The following IL32 variants were observed in gnomAD, a reference collection of about 807,000 sequenced individuals.
The protein encoded by IL32 is interleukin 32, also known as interleukin-32.
A neutral mutation model predicts 16.6 loss-of-function variants in IL32; 30 were observed. The ratio of observed to expected loss-of-function variants is 1.81; its 90% CI spans 1.35 to 2.45. IL32 has a LOEUF of 2.45. Among genes scored for constraint, IL32 ranks in the 30% most tolerant of loss-of-function variants. IL32 has a pLI of 0.00. For synonymous variants in IL32, 70 were observed against 86.1 expected, an observed-to-expected ratio of 0.81 and a Z score of 1.03; for missense variants, 234 against 229.8, an observed-to-expected ratio of 1.02 and a Z score of -0.12.
At chr16:3,065,948 CAGG>C in intron 2 of IL32, 122 bp downstream of exon 2, 2 of 1,188,760 alleles carry the variant, frequency 1.7e-6, no homozygotes, top group South Asian at 1.2e-5. Context: ...CACCCAGCGG[CAGG>C]AGGATAGTGA....
At position 3,068,013 on chromosome 16, in the gene IL32, G is replaced by C. The variant is rs1385987022; in HGVS notation, c.141+3G>C. ...TGTCGAGCCTGGCAGAGCTGGAGGT[G>C]AGCCGTGGCCTCCCCCTCCACCAAG... On this transcript the variant is annotated splice_donor_region_variant and intron_variant, in intron 5 of 6. Coordinates refer to ENST00000525643, the MANE Select transcript of IL32 (RefSeq NM_001376923.1). 1 of 1,614,062 alleles carries C rather than the reference G, an allele frequency of 6.2e-7. No homozygotes were observed. Among genetic ancestry groups the C allele is most frequent in the East Asian group, 2.2e-5 (1 of 44,842 alleles).
intron 6 of IL32, chr16:3,068,706 C>G (rs987557109): frequency 6.1e-6 from 3 of 492,156 alleles, no homozygotes; most frequent in Non-Finnish European, 1.1e-5. Flanking sequence ...TGGGACCTGC[C>G]CATGGCCTCA....
chr16:3,066,957 C>T (rs2179013), intron 2 of IL32, among the ~76,000 whole-genome samples: 3,441 of 107,712 alleles, frequency 0.032, 115 homozygotes, highest in South Asian at 0.062. Context: ...CCTAGGCCCA[C>T]GCAGGCCCTG....
chr16:3,068,444 T>A, intron 6 of IL32: 1 of 577,434 alleles, frequency 1.7e-6, no homozygotes, highest in Non-Finnish European at 3.1e-6. Flanking sequence ...TAGTTGGGAC[T>A]ACAGGCACCC....
At chr16:3,066,817 G>T (rs1473077396) in intron 2 of IL32, among the ~76,000 whole-genome samples, 1 of 152,048 alleles carries the variant, frequency 6.6e-6, no homozygotes, top group East Asian at 1.9e-4. Flanking sequence ...CATAGTGGTT[G>T]TGGGAAACCC....
rs1213191150 is a variant in IL32, at chr16:3,067,382, C to G, written c.21C>G (p.Leu7=). 6.5e-7 allele frequency: 1 copy of G among 1,549,376 alleles called. No homozygotes were observed. The highest frequency in any genetic ancestry group is 8.7e-7 in the Non-Finnish European group (1 of 1,147,978). MCFPKV[L]SDDMKKLKAR... ...TGTCACCGTTATTTCCGCAGGTCCT[C>G]TCTGATGACATGAAGAAGCTGAAGG... is the stretch of plus-strand genomic sequence containing the variant. Residue 7 remains leucine (L), a synonymous_variant, in exon 3 of 7, where the codon CTC becomes CTG. Coordinates refer to ENST00000525643, the MANE Select transcript of IL32 (RefSeq NM_001376923.1).
chr16:3,068,355 G>C lies in IL32; in HGVS notation c.201+116G>C. The C allele has an allele frequency of 4.2e-6, 4 of 952,006 alleles. No individual in the cohort carries two copies. The South Asian group carries it at 5.9e-5, about 14-fold the overall frequency. The allele number at this position is 952,006 out of a possible 1,614,324, so 59.0% of individuals were successfully genotyped here. On this transcript the variant is annotated intron_variant, in intron 6 of 6. Coordinates refer to ENST00000525643, the MANE Select transcript of IL32 (RefSeq NM_001376923.1). ...GAGTCTCGCTCTGTCGCCCAGGCTG[G>C]AGTGCAGTGGCATGATCTTGGCTCA...
At chr16:3,068,082 C>T (rs577592655) in intron 5 of IL32, 72 bp downstream of exon 5, 41 of 1,605,560 alleles carry the variant, frequency 2.6e-5, no homozygotes, top group East Asian at 2.5e-4. Context: ...TGGGTCTGGG[C>T]CCCGGGTCCC....
chr16:3,067,303 GTGTGTGTATAA>G, intron 2 of IL32, 63 bp from the exon 3 acceptor site: 1 of 726,282 alleles, frequency 1.4e-6, no homozygotes, highest in South Asian at 1.7e-5. Flanking sequence ...GTGTGTGTGT[GTGTGTGTATAA>G]ATTATCCTGG....
At chr16:3,065,937 G>A in intron 2 of IL32, 111 bp downstream of exon 2, 2 of 1,264,738 alleles carry the variant, frequency 1.6e-6, no homozygotes, top group Non-Finnish European at 2.3e-6. Flanking sequence ...TCAGTCAGGG[G>A]CACCCAGCGG....
intron 2 of IL32, 77 bp from the exon 3 acceptor site, chr16:3,067,285 GTGTGTGTGTGTGTGT>G: frequency 1.8e-6 from 1 of 544,516 alleles, no homozygotes; most frequent in Non-Finnish European, 3.2e-6. Context: ...GTGTGTGTGT[GTGTGTGTGTGTGTGT>G]GTGTGTGTGT....
In IL32 at chr16:3,069,382, C is replaced by A. The variant is rs374074230; in HGVS notation, c.*27C>A. 3.9e-5 allele frequency: 61 copies of A among 1,561,194 alleles called. No homozygotes were observed. The highest frequency in any genetic ancestry group is 4.3e-5 in the Non-Finnish European group (50 of 1,152,452). ...GATACTGACACCACCTTTGCCCTCC[C>A]CGTCACCGCGCACCCACCCTGACCC... On this transcript the variant is annotated 3_prime_UTR_variant, in exon 7 of 7. Coordinates refer to ENST00000525643, the MANE Select transcript of IL32 (RefSeq NM_001376923.1).
At chr16:3,068,061 C>T (rs376827907) in intron 5 of IL32, 51 bp downstream of exon 5, 31 of 1,610,632 alleles carry the variant, frequency 1.9e-5, no homozygotes, top group Non-Finnish European at 2.5e-5. Context: ...GTCTTAGGCT[C>T]CACAGGACAC....
chr16:3,065,511 G>GTCTGTCTCTGTC (rs537534816), upstream of IL32: 332 of 540,980 alleles, frequency 6.1e-4, 4 homozygotes, highest in South Asian at 6.6e-3. Flanking sequence ...CTCCATCTCT[G>GTCTGTCTCTGTC]TCTGTCTCTG....
In IL32 at chr16:3,069,436, C is replaced by T; in HGVS notation, c.*81C>T. On this transcript the variant is annotated 3_prime_UTR_variant, in exon 7 of 7. Coordinates refer to ENST00000525643, the MANE Select transcript of IL32 (RefSeq NM_001376923.1). ...CCTCAGCTGTCCTGTGCCCCGCCCT[C>T]TCCCGCACACTCAGTCCCCCTGCCT... is the stretch of plus-strand genomic sequence containing the variant. 6.9e-7 allele frequency: 1 copy of T among 1,449,912 alleles called. No homozygotes were observed. The highest frequency in any genetic ancestry group is 9.3e-7 in the Non-Finnish European group (1 of 1,076,152). The allele number at this position is 1,449,912 out of a possible 1,614,324, so 89.8% of individuals were successfully genotyped here. A position where few individuals can be genotyped will look rare whatever the true frequency, so the allele number is the denominator to read the frequency against.
At chr16:3,067,682 C>T (rs752612594) in intron 4 of IL32, 69 bp downstream of exon 4, 25 of 1,213,942 alleles carry the variant, frequency 2.1e-5, no homozygotes, top group Non-Finnish European at 2.6e-5. Flanking sequence ...CTGTGTGGGG[C>T]TCAGGGTGAG....
intron 2 of IL32, among the ~76,000 whole-genome samples, chr16:3,066,582 G>A (rs1956331361): frequency 6.6e-6 from 1 of 152,080 alleles, no homozygotes; most frequent in South Asian, 2.1e-4. Context: ...CGGGGATTCT[G>A]TGGGGTGCCT....
At chr16:3,065,543 G>C, upstream of IL32, 1 of 586,910 alleles carries the variant, frequency 1.7e-6, no homozygotes, top group East Asian at 2.9e-5. Flanking sequence ...GTCTCTGTCT[G>C]TTTTTCACGC....
intron 2 of IL32, 44 bp downstream of exon 2, chr16:3,065,870 CA>C: frequency 6.2e-7 from 1 of 1,613,138 alleles, no homozygotes; most frequent in Non-Finnish European, 8.5e-7. Context: ...TGTCTGAAAA[CA>C]GACCGTAAGG....
Sources: allele counts gnomAD v4.1 joint callset (sites outside exome capture counted in the v4.1 genomes callset), GRCh38; gene constraint gnomAD v4.1.1; transcripts MANE v1.5; gene names NCBI Gene and HGNC (gene_info 2026-07-23, HGNC 2026-07-21).